The following AP4B1 variants were observed in gnomAD, a reference collection of about 807,000 sequenced individuals.
AP4B1 encodes AP-4 complex subunit beta-1.
AP4B1 carries 49 observed loss-of-function variants against 76.5 expected under a neutral mutation model. The observed-to-expected ratio is 0.64, with a 90% CI of 0.51 to 0.81. The LOEUF (loss-of-function observed/expected upper bound fraction) is 0.81, where lower values mean the gene tolerates loss of function less well. Among genes scored for constraint, AP4B1 ranks in the 40% least tolerant of loss-of-function variants. The probability of loss-of-function intolerance (pLI) is 0.00; values close to 1 mark genes in which losing one functional copy is unlikely to be tolerated. For synonymous variants in AP4B1, 330 were observed against 333.3 expected, an observed-to-expected ratio of 0.99 and a Z score of 0.11; for missense variants, 911 against 904.9, an observed-to-expected ratio of 1.01 and a Z score of -0.09.
chr1:113,898,688 A>G (rs746183651), intron 6 of AP4B1, 30 bp downstream of exon 6: 1 of 1,590,070 alleles, frequency 6.3e-7, no homozygotes, highest in Non-Finnish European at 8.6e-7. Flanking sequence ...CTGACAAAAA[A>G]AACAAAAATC....
chr1:113,897,641 T>C, intron 7 of AP4B1, 199 bp downstream of exon 7: 1 of 630,410 alleles, frequency 1.6e-6, no homozygotes, highest in Non-Finnish European at 2.8e-6. Context: ...TATCACAGTT[T>C]TGTAATAAAA....
intron 7 of AP4B1, 115 bp from the exon 8 acceptor site, chr1:113,896,580 CT>C: frequency 2.2e-6 from 2 of 900,830 alleles, no homozygotes; most frequent in Non-Finnish European, 3.7e-6. Context: ...AAGGTGTAAT[CT>C]TTAGTTTACT....
intron 4 of AP4B1, 35 bp downstream of exon 4, chr1:113,901,201 A>T (rs1316534122): frequency 6.2e-7 from 1 of 1,612,844 alleles, no homozygotes; most frequent in East Asian, 2.2e-5. Flanking sequence ...AAGGTAGCAG[A>T]TCTCATAATA....
Position 113,902,762 on chromosome 1 carries a change from T to G in AP4B1, c.214A>C (p.Met72Leu). ...GGTTTCAGGGGAGCATATGTGCACA[T>G]GTACAGATAAACCAACTTCTTCTGG... is the stretch of plus-strand genomic sequence containing the variant. ...IVQKKLVYLY[M>L]CTYAPLKPDL... The change falls in exon 2 of 10, where the codon ATG becomes CTG. Residue 72 changes from methionine to leucine, a missense_variant. Coordinates refer to ENST00000369569, the MANE Select transcript of AP4B1 (RefSeq NM_001253852.3). 6.2e-7 allele frequency: 1 copy of G among 1,614,206 alleles called. No individual in the cohort carries two copies. The highest frequency in any genetic ancestry group is 1.3e-5 in the African/African-American group (1 of 75,046).
chr1:113,895,391 C>G lies in AP4B1; in HGVS notation c.1894G>C (p.Glu632Gln), dbSNP rs186623784. The G allele has an allele frequency of 9.9e-6, 16 of 1,614,190 alleles. No individual in the cohort carries two copies. The East Asian group carries it at 1.6e-4, about 16-fold the overall frequency. ...ACTTTAAGGCTAAGCCAAGTTTTCT[C>G]AAAATAATCAGCAGTAAGCTGGCGA... The part of the protein sequence containing the change: ...PNRQLTADYF[E>Q]KTWLSLKVAH... Residue 632 changes from glutamate to glutamine, a missense_variant, in exon 10 of 10, where the codon GAG becomes CAG. Coordinates refer to ENST00000369569, the MANE Select transcript of AP4B1 (RefSeq NM_001253852.3).
chr1:113,896,218 A>G (rs950032416), intron 8 of AP4B1, 40 bp downstream of exon 8: 5 of 1,610,944 alleles, frequency 3.1e-6, no homozygotes, highest in African/African-American at 1.3e-5. Flanking sequence ...AATTTTTACT[A>G]TGGGTCATGG....
intron 1 of AP4B1, 67 bp downstream of exon 1, chr1:113,904,538 G>A (rs1668726350): frequency 2.8e-6 from 4 of 1,432,930 alleles, no homozygotes; most frequent in African/African-American, 2.8e-5. Flanking sequence ...CAGAGAGACT[G>A]GGGCTAGTGA....
At chr1:113,904,444 A>T (rs1196779471) in intron 1 of AP4B1, among the ~76,000 whole-genome samples, 161 bp downstream of exon 1, 1 of 152,240 alleles carries the variant, frequency 6.6e-6, no homozygotes, top group Admixed American at 6.5e-5. Context: ...GATGCTGCAG[A>T]GGGGAGACTG....
Position 113,898,702 on chromosome 1 carries a change from A to T in AP4B1, c.1198+16T>A, listed in dbSNP as rs1226252687. 5.0e-6 allele frequency: 8 copies of T among 1,604,252 alleles called. No homozygotes were observed. The highest frequency in any genetic ancestry group is 6.8e-6 in the Non-Finnish European group (8 of 1,177,894). On this transcript the variant is annotated intron_variant, in intron 6 of 9. Coordinates refer to ENST00000369569, the MANE Select transcript of AP4B1 (RefSeq NM_001253852.3). ...CCTGACAAAAAAAACAAAAATCCTA[A>T]AAAGGCAGGCATTACCTGTGGTAAT...
intron 5 of AP4B1, chr1:113,899,457 T>A: frequency 1.5e-6 from 1 of 677,088 alleles, no homozygotes; most frequent in Non-Finnish European, 1.9e-6. Context: ...GGACTTTGAG[T>A]CAGGAAAGCT....
At chr1:113,901,571 G>A (rs1290863035) in intron 3 of AP4B1, among the ~76,000 whole-genome samples, 184 bp downstream of exon 3, 1 of 152,060 alleles carries the variant, frequency 6.6e-6, no homozygotes, top group Non-Finnish European at 1.5e-5. Flanking sequence ...TAATACAAAG[G>A]ATCTCATTGG....
chr1:113,897,569 G>A (rs1667649260), intron 7 of AP4B1: 2 of 462,176 alleles, frequency 4.3e-6, no homozygotes, highest in Non-Finnish European at 8.0e-6. Context: ...ACTCCAGCCT[G>A]GGCAACTCTA....
rs1571563769 is a variant in AP4B1 at position 113,900,353 on chromosome 1, AG to A, written c.664del (p.Leu222CysfsTer31). On this transcript the variant is annotated frameshift_variant, in exon 5 of 10. Coordinates refer to ENST00000369569, the MANE Select transcript of AP4B1 (RefSeq NM_001253852.3). LOFTEE classifies it high-confidence loss of function. ...CTCACTGCGGGGTTGGTAGCGTAGC[AG>A]AAAGTTCAATACTTCAGCCTGGCCC... Reference protein sequence around the residue: ...QWGQAEVLNFLLRYQPRSEEE... With the variant: ...QWGQAEVLNFXLRYQPRSEEE... The A allele has an allele frequency of 1.9e-6, 3 of 1,611,478 alleles. No individual in the cohort carries two copies. Among genetic ancestry groups the A allele is most frequent in the Middle Eastern group, 1.7e-4 (1 of 6,040 alleles).
In AP4B1 at chr1:113,897,835, T is replaced by C. The variant is rs1450168032; in HGVS notation, c.1302+5A>G. 1 of 1,613,832 alleles carries C rather than the reference T, an allele frequency of 6.2e-7. No homozygotes were observed. The highest frequency in any genetic ancestry group is 8.5e-7 in the Non-Finnish European group (1 of 1,179,872). On this transcript the variant is annotated splice_donor_5th_base_variant and intron_variant, in intron 7 of 9. Coordinates refer to ENST00000369569, the MANE Select transcript of AP4B1 (RefSeq NM_001253852.3). ...ACCTAGAAGTAAAGGAGAATTACAG[T>C]CTACCTCACTATCTTGAATGTTCTC...
rs748056404 is a variant in AP4B1, at chr1:113,902,751, A to G, written c.225T>C (p.Tyr75=). The G allele has an allele frequency of 1.2e-6, 2 of 1,614,210 alleles. No individual in the cohort carries two copies. Among genetic ancestry groups the G allele is most frequent in the Non-Finnish European group, 8.5e-7 (1 of 1,180,040 alleles). Residue 75 remains tyrosine, a synonymous_variant, in exon 2 of 10, where the codon TAT becomes TAC. Coordinates refer to ENST00000369569, the MANE Select transcript of AP4B1 (RefSeq NM_001253852.3). The stretch of plus-strand genomic sequence containing the variant: ...GAGCCAGATCTGGTTTCAGGGGAGC[A>G]TATGTGCACATGTACAGATAAACCA... The part of the protein sequence containing the change: ...KKLVYLYMCT[Y]APLKPDLALL...
chr1:113,896,220 G>A (rs1667445827), intron 8 of AP4B1, 38 bp downstream of exon 8: 3 of 1,610,808 alleles, frequency 1.9e-6, no homozygotes, highest in Non-Finnish European at 2.5e-6. Flanking sequence ...TTTTTACTAT[G>A]GGTCATGGCA....
At position 113,901,793 on chromosome 1, in the gene AP4B1, C is replaced by T. The variant is rs1668298718; in HGVS notation, c.431G>A (p.Cys144Tyr). ...TCCATGAAGATTATGCATCTTGGCA[C>T]ATCCAAGGACTGCCACTCTCCTGAC... ...SYVRRVAVLG[C>Y]AKMHNLHGDS... Residue 144 changes from cysteine to tyrosine, a missense_variant, in exon 3 of 10, where the codon TGT (cysteine) becomes TAT (tyrosine). Coordinates refer to ENST00000369569, the MANE Select transcript of AP4B1 (RefSeq NM_001253852.3). The T allele has an allele frequency of 1.2e-6, 2 of 1,614,092 alleles. No homozygotes were observed. Among genetic ancestry groups the T allele is most frequent in the South Asian group, 1.1e-5 (1 of 91,092 alleles).
At chr1:113,902,977 T>C in intron 1 of AP4B1, 115 bp from the exon 2 acceptor site, 1 of 902,638 alleles carries the variant, frequency 1.1e-6, no homozygotes, top group Admixed American at 1.9e-5. Flanking sequence ...TCTTAGAGGG[T>C]AGCAGCCAGG....
In AP4B1 at chr1:113,895,804, T is replaced by G; in HGVS notation, c.1745A>C (p.Glu582Ala). 7 of 1,614,246 alleles carry G rather than the reference T, an allele frequency of 4.3e-6. No homozygotes were observed. Among genetic ancestry groups the G allele is most frequent in the Non-Finnish European group, 5.9e-6 (7 of 1,180,040 alleles). The change falls in exon 9 of 10, where the codon GAG (glutamate) becomes GCG (alanine). Residue 582 changes from glutamate (E) to alanine (A), a missense_variant. By Grantham distance (107) the Glu-to-Ala change is moderately radical (BLOSUM62 -1). Coordinates refer to ENST00000369569, the MANE Select transcript of AP4B1 (RefSeq NM_001253852.3). Reference sequence around the variant, plus strand: ...TTTAGGAAGCTCTGGGTCACAACGCTCTGCCCCCTGGCATTTAGAGATAGT... The same window carrying G: ...TTTAGGAAGCTCTGGGTCACAACGCGCTGCCCCCTGGCATTTAGAGATAGT... ...WATISKCQGA[E>A]RCDPELPKTS...
Sources: gnomAD v4.1 joint callset for allele counts (sites outside exome capture counted in the v4.1 genomes callset) on GRCh38, gnomAD v4.1.1 for gene constraint, MANE v1.5 for transcripts, NCBI Gene and HGNC (gene_info 2026-07-23, HGNC 2026-07-21) for gene names.